Variants in PPP3CA observed in about 807,000 individuals in gnomAD.
PPP3CA encodes protein phosphatase 3 catalytic subunit alpha.
PPP3CA carries 14 observed loss-of-function variants against 66.5 expected under a neutral mutation model. The observed-to-expected ratio is 0.21, with a 90% confidence interval of 0.14 to 0.33. PPP3CA has a LOEUF of 0.33. Among genes scored for constraint, PPP3CA ranks in the 10% least tolerant of loss-of-function variants. The pLI is 1.00. For synonymous variants in PPP3CA, 232 were observed against 226.2 expected (o/e 1.03, Z -0.23); for missense variants, 317 against 639.5 (o/e 0.50, Z 5.44).
intron 1 of PPP3CA, among the ~76,000 whole-genome samples, chr4:101,204,811 T>C (rs1051352051): frequency 1.3e-5 from 2 of 151,820 alleles, no homozygotes; most frequent in Admixed American, 1.3e-4. Context: ...AAATATTAAA[T>C]GTCTTAATTT....
intron 8 of PPP3CA, among the ~76,000 whole-genome samples, chr4:101,071,310 AGTTTT>A (rs1728909745): frequency 3.9e-5 from 6 of 152,224 alleles, no homozygotes; most frequent in Admixed American, 3.9e-4. Flanking sequence ...GCACTGAGTT[AGTTTT>A]AAGTTCCTAC....
At chr4:101,034,380 C>A (rs936838087) in intron 11 of PPP3CA, among the ~76,000 whole-genome samples, 3 of 152,216 alleles carry the variant, frequency 2.0e-5, no homozygotes, top group African/African-American at 7.2e-5. Flanking sequence ...TCTACTCTTT[C>A]TCCCTTTGCC....
chr4:101,319,282 T>C (rs1368367341), intron 1 of PPP3CA, among the ~76,000 whole-genome samples: 4 of 151,986 alleles, frequency 2.6e-5, no homozygotes, highest in Non-Finnish European at 5.9e-5. Flanking sequence ...TTTTAAAAAC[T>C]CTTACTATAC....
At chr4:101,280,692 C>G (rs972165185) in intron 1 of PPP3CA, among the ~76,000 whole-genome samples, 1 of 151,884 alleles carries the variant, frequency 6.6e-6, no homozygotes, top group South Asian at 2.1e-4. Context: ...TGGTGGCATG[C>G]ACCTGCAGTT....
chr4:101,168,925 C>T (rs1447537967), intron 2 of PPP3CA, among the ~76,000 whole-genome samples: 2 of 152,132 alleles, frequency 1.3e-5, no homozygotes, highest in Non-Finnish European at 2.9e-5. Flanking sequence ...CCTTCTAAAG[C>T]AATGATATAA....
intron 1 of PPP3CA, among the ~76,000 whole-genome samples, chr4:101,265,537 A>G (rs578136257): frequency 3.9e-5 from 6 of 152,324 alleles, no homozygotes; most frequent in Non-Finnish European, 7.4e-5. Flanking sequence ...CTTTTAATGA[A>G]TGGTGATTCA....
At chr4:101,048,094 A>G (rs1191520594) in intron 10 of PPP3CA, among the ~76,000 whole-genome samples, 1 of 152,100 alleles carries the variant, frequency 6.6e-6, no homozygotes, top group Non-Finnish European at 1.5e-5. Context: ...AGAGGTTTTT[A>G]TAGCTCAAGG....
chr4:101,286,901 T>C (rs1727862249), intron 1 of PPP3CA, among the ~76,000 whole-genome samples: 1 of 152,094 alleles, frequency 6.6e-6, no homozygotes. Context: ...AGAAAGTACA[T>C]TAGCTGCAGC....
intron 1 of PPP3CA, among the ~76,000 whole-genome samples, chr4:101,251,285 T>C (rs1214693092): frequency 1.3e-5 from 2 of 152,144 alleles, no homozygotes; most frequent in Non-Finnish European, 2.9e-5. Flanking sequence ...CGTATTTCTA[T>C]GTTTTCCCAA....
intron 2 of PPP3CA, among the ~76,000 whole-genome samples, chr4:101,166,242 C>G (rs1002754171): frequency 2.0e-5 from 3 of 152,130 alleles, no homozygotes; most frequent in Non-Finnish European, 4.4e-5. Flanking sequence ...CCTTTCACCT[C>G]AAACCAATTG....
intron 2 of PPP3CA, among the ~76,000 whole-genome samples, chr4:101,171,892 A>G (rs754624231): frequency 6.6e-6 from 1 of 152,186 alleles, no homozygotes; most frequent in Non-Finnish European, 1.5e-5. Context: ...CTCATTTACT[A>G]TGTCACTGCC....
In PPP3CA at chr4:101,306,958, G is replaced by C. The variant is rs112452638; in HGVS notation, c.58+39781C>G. Among the ~76,000 whole-genome samples the C allele has an allele frequency of 3.9e-3, 599 of 152,188 alleles. 6 individuals are homozygous for C. The highest frequency in any genetic ancestry group is 0.014 in the African/African-American group (566 of 41,526). ...GAGTGCTGTTTTCCTTCCTGGTAGAGAGCTGCTTCAGTAGTATTTATTGAA... is the reference window on the plus strand; with the variant it reads ...GAGTGCTGTTTTCCTTCCTGGTAGACAGCTGCTTCAGTAGTATTTATTGAA... On this transcript the variant is annotated intron_variant, in intron 1 of 13. Transcript: ENST00000394854.
chr4:101,144,139 A>G (rs1365680377), intron 2 of PPP3CA, among the ~76,000 whole-genome samples: 3 of 152,182 alleles, frequency 2.0e-5, no homozygotes, highest in Non-Finnish European at 4.4e-5. Context: ...GGACCATTAC[A>G]TGAAGTTTAG....
At chr4:101,239,052 G>A (rs553456194) in intron 1 of PPP3CA, among the ~76,000 whole-genome samples, 1 of 152,164 alleles carries the variant, frequency 6.6e-6, no homozygotes, top group Non-Finnish European at 1.5e-5. Flanking sequence ...TTACTGAAGG[G>A]CAGGAAACAG....
At chr4:101,306,145 A>T (rs766130946) in intron 1 of PPP3CA, among the ~76,000 whole-genome samples, 10 of 152,164 alleles carry the variant, frequency 6.6e-5, no homozygotes, top group African/African-American at 1.2e-4. Context: ...ATGTCCATGG[A>T]ACATCTATTG....
At chr4:101,087,871 T>C (rs895281017) in intron 6 of PPP3CA, among the ~76,000 whole-genome samples, 1 of 152,084 alleles carries the variant, frequency 6.6e-6, no homozygotes, top group Non-Finnish European at 1.5e-5. Context: ...GCAGCTAATG[T>C]AATTTGGGAG....
chr4:101,298,310 T>C (rs1198795763), intron 1 of PPP3CA, among the ~76,000 whole-genome samples: 1 of 150,576 alleles, frequency 6.6e-6, no homozygotes, highest in Non-Finnish European at 1.5e-5. Context: ...TAAAGACACC[T>C]AACTAACAAT....
intron 6 of PPP3CA, among the ~76,000 whole-genome samples, chr4:101,084,516 G>A (rs949029718): frequency 5.6e-4 from 85 of 151,868 alleles, no homozygotes; most frequent in African/African-American, 1.5e-3. Context: ...AGGGGTGGGC[G>A]CCTGTAATCC....
chr4:101,031,309 A>T (rs1049662968), intron 12 of PPP3CA, among the ~76,000 whole-genome samples: 2 of 152,178 alleles, frequency 1.3e-5, no homozygotes, highest in African/African-American at 4.8e-5. Flanking sequence ...AATAAGCAAG[A>T]GGCCGAGAAT....
Sources: allele counts gnomAD v4.1 joint callset (sites outside exome capture counted in the v4.1 genomes callset), GRCh38; gene constraint gnomAD v4.1.1; transcripts MANE v1.5; gene names NCBI Gene and HGNC (gene_info 2026-07-23, HGNC 2026-07-21).